Variants in DIP2B observed in about 807,000 individuals in gnomAD.
The protein encoded by DIP2B is disco-interacting protein 2 homolog B.
Under a neutral mutation model 198.0 loss-of-function variants are expected in DIP2B, and 76 were observed. The observed-to-expected ratio is 0.38, with a 90% CI of 0.32 to 0.46. The LOEUF (loss-of-function observed/expected upper bound fraction) is 0.46, where lower values mean the gene tolerates loss of function less well. Ranked by LOEUF, DIP2B falls within the 20% of genes least tolerant of loss-of-function variation. The pLI is 0.99. For synonymous variants in DIP2B, 701 were observed against 739.1 expected (o/e 0.95, Z 0.84); for missense variants, 1,559 against 1,978.4 (o/e 0.79, Z 4.02).
At chr12:50,669,742 C>T (rs1382205705) in intron 4 of DIP2B, among the ~76,000 whole-genome samples, 4 of 152,072 alleles carry the variant, frequency 2.6e-5, no homozygotes, top group African/African-American at 4.8e-5. Flanking sequence ...TTAACTTTCT[C>T]TCTTGCTCTG....
intron 4 of DIP2B, among the ~76,000 whole-genome samples, chr12:50,670,518 C>T (rs1051916616): frequency 3.3e-5 from 5 of 152,020 alleles, no homozygotes; most frequent in Admixed American, 6.6e-5. Context: ...GAGGTTCAAA[C>T]GATTCTCCTG....
At chr12:50,604,588 G>T (rs1007614396) in intron 1 of DIP2B, among the ~76,000 whole-genome samples, 1 of 152,118 alleles carries the variant, frequency 6.6e-6, no homozygotes, top group Non-Finnish European at 1.5e-5. Flanking sequence ...CTCCTGAGTG[G>T]CTGGGACTGC....
At chr12:50,616,614 A>G (rs1937704860) in intron 1 of DIP2B, among the ~76,000 whole-genome samples, 1 of 152,244 alleles carries the variant, frequency 6.6e-6, no homozygotes, top group Non-Finnish European at 1.5e-5. Context: ...GGACACTTTC[A>G]GTAAGAAACA....
intron 1 of DIP2B, among the ~76,000 whole-genome samples, chr12:50,592,423 C>T (rs1958827651): frequency 6.6e-6 from 1 of 152,112 alleles, no homozygotes; most frequent in African/African-American, 2.4e-5. Flanking sequence ...TCCTAAAGTG[C>T]TGGCATTATA....
intron 37 of DIP2B, among the ~76,000 whole-genome samples, chr12:50,744,054 T>G (rs1397763488): frequency 6.6e-6 from 1 of 152,120 alleles, no homozygotes; most frequent in Non-Finnish European, 1.5e-5. Context: ...CAGGCTGGAG[T>G]GTAGTGGCGC....
chr12:50,663,550 C>T (rs1027632220), intron 4 of DIP2B, among the ~76,000 whole-genome samples: 10 of 23,366 alleles, frequency 4.3e-4, no homozygotes, highest in South Asian at 1.6e-3. Flanking sequence ...AGCCAGACTC[C>T]GTCTCAAATA....
chr12:50,651,674 G>A (rs186594366), intron 3 of DIP2B, among the ~76,000 whole-genome samples: 138 of 152,070 alleles, frequency 9.1e-4, no homozygotes, highest in Non-Finnish European at 1.6e-3. Flanking sequence ...CTATTGTTCC[G>A]TTGGTCTTCC....
intron 1 of DIP2B, among the ~76,000 whole-genome samples, chr12:50,608,497 G>A (rs1251648725): frequency 2.6e-5 from 4 of 151,672 alleles, no homozygotes; most frequent in African/African-American, 9.7e-5. Flanking sequence ...GTGGTGGTGC[G>A]TGGCTGTAGT....
At chr12:50,586,122 A>G (rs10783374) in intron 1 of DIP2B, among the ~76,000 whole-genome samples, 41,557 of 152,192 alleles carry the variant, frequency 0.27, 6,023 homozygotes, top group East Asian at 0.39. Flanking sequence ...CAAGGGGATC[A>G]GACCTAGGAG....
chr12:50,666,190 A>T (rs1230817912), intron 4 of DIP2B, among the ~76,000 whole-genome samples: 3 of 152,240 alleles, frequency 2.0e-5, no homozygotes, highest in Non-Finnish European at 4.4e-5. Flanking sequence ...AATTTGTTTC[A>T]ATACCTGATT....
At chr12:50,601,154 C>T (rs1398296201) in intron 1 of DIP2B, among the ~76,000 whole-genome samples, 3 of 152,156 alleles carry the variant, frequency 2.0e-5, no homozygotes, top group African/African-American at 7.2e-5. Context: ...GGACCCTTGT[C>T]TGCTTTGGCA....
chr12:50,510,512 A>G (rs1042203702), intron 1 of DIP2B, among the ~76,000 whole-genome samples: 8 of 152,154 alleles, frequency 5.3e-5, no homozygotes, highest in Non-Finnish European at 1.2e-4. Flanking sequence ...CCTTCATACT[A>G]TATTTGTATT....
chr12:50,691,776 C>T (rs1939227152), intron 13 of DIP2B, among the ~76,000 whole-genome samples: 1 of 152,046 alleles, frequency 6.6e-6, no homozygotes, highest in Admixed American at 6.6e-5. Context: ...AGTTATAATA[C>T]ATTCAGACCA....
At position 50,695,305 on chromosome 12, in the gene DIP2B, C is replaced by T; in HGVS notation, c.1758C>T (p.Tyr586=). The T allele has an allele frequency of 6.2e-7, 1 of 1,614,058 alleles. No homozygotes were observed. Among genetic ancestry groups the T allele is most frequent in the Non-Finnish European group, 8.5e-7 (1 of 1,179,982 alleles). Residue 586 remains tyrosine, a synonymous_variant, in exon 15 of 38, where the codon TAC becomes TAT. Transcript: ENST00000301180. The part of the protein sequence containing the change: ...MNKMHTISVP[Y]SVMKTCPLSW... Reference sequence around the variant, plus strand: ...AGATGCACACAATCAGCGTACCCTACTCTGTTATGAAAACCTGTCCTCTCT... The same window carrying T: ...AGATGCACACAATCAGCGTACCCTATTCTGTTATGAAAACCTGTCCTCTCT...
chr12:50,555,179 A>G lies in DIP2B; in HGVS notation c.100+49939A>G, dbSNP rs146354338. Among the ~76,000 whole-genome samples the G allele has an allele frequency of 5.2e-3, 794 of 152,250 alleles. 1 individual carries two copies. Among genetic ancestry groups the G allele is most frequent in the African/African-American group, 0.018 (766 of 41,534 alleles). ...GTTTGCCCTTCTAGAAAATAACTGC[A>G]GTCTTCTGTAGGGTGAGGAAAAGAC... On this transcript the variant is annotated intron_variant, in intron 1 of 37. Coordinates refer to ENST00000301180, the MANE Select transcript of DIP2B (RefSeq NM_173602.3).
intron 14 of DIP2B, 61 bp from the exon 15 acceptor site, chr12:50,695,206 A>G (rs1171022240): frequency 9.9e-6 from 14 of 1,413,320 alleles, no homozygotes; most frequent in African/African-American, 7.1e-5. Flanking sequence ...TACCAGCTCA[A>G]TTTTAAAATA....
At chr12:50,553,219 G>A (rs1958442192) in intron 1 of DIP2B, among the ~76,000 whole-genome samples, 1 of 152,192 alleles carries the variant, frequency 6.6e-6, no homozygotes, top group Non-Finnish European at 1.5e-5. Flanking sequence ...AGAACCATTT[G>A]TTGAAGAGAC....
chr12:50,530,033 C>G (rs1021009716), intron 1 of DIP2B, among the ~76,000 whole-genome samples: 4 of 152,152 alleles, frequency 2.6e-5, no homozygotes, highest in Non-Finnish European at 4.4e-5. Flanking sequence ...TCTCTAGTGG[C>G]TGGCTTCTTC....
At chr12:50,514,081 T>C (rs1958042501) in intron 1 of DIP2B, among the ~76,000 whole-genome samples, 1 of 150,134 alleles carries the variant, frequency 6.7e-6, no homozygotes, top group South Asian at 2.1e-4. Flanking sequence ...TTTTTTTTTT[T>C]TGAGACGGAG....
Sources: gnomAD v4.1 joint callset for allele counts (sites outside exome capture counted in the v4.1 genomes callset) on GRCh38, gnomAD v4.1.1 for gene constraint, MANE v1.5 for transcripts, NCBI Gene and HGNC (gene_info 2026-07-23, HGNC 2026-07-21) for gene names.